The following ADARB2 variants were observed in gnomAD, a reference collection of about 807,000 sequenced individuals.
ADARB2 encodes the protein adenosine deaminase RNA specific B2 (inactive).
Under a neutral mutation model 62.2 loss-of-function variants are expected in ADARB2, and 25 were observed. The ratio of observed to expected loss-of-function variants is 0.40; its 90% CI spans 0.29 to 0.56. The LOEUF (loss-of-function observed/expected upper bound fraction) is 0.56, where lower values mean the gene tolerates loss of function less well. Among genes scored for constraint, ADARB2 ranks in the 20% least tolerant of loss-of-function variants. The pLI, the probability that ADARB2 is intolerant of heterozygous loss-of-function variation, is 0.43. For synonymous variants in ADARB2, 572 were observed against 500.8 expected, an observed-to-expected ratio of 1.14 and a Z score of -1.90; for missense variants, 1,071 against 1,077.4, an observed-to-expected ratio of 0.99 and a Z score of 0.08.
At chr10:1,199,938 G>A (rs1836961233) in intron 8 of ADARB2, 28 bp downstream of exon 8, 1 of 1,489,508 alleles carries the variant, frequency 6.7e-7, no homozygotes, top group Non-Finnish European at 8.9e-7. Flanking sequence ...GGAAGGAGGT[G>A]GAGGGCCCCC....
At chr10:1,445,672 A>T (rs551047366) in intron 1 of ADARB2, among the ~76,000 whole-genome samples, 50 of 152,388 alleles carry the variant, frequency 3.3e-4, no homozygotes, top group African/African-American at 1.0e-3. Flanking sequence ...TAGTTGAGAA[A>T]ATTAAAAATT....
At chr10:1,682,132 G>A (rs1466088363) in intron 1 of ADARB2, among the ~76,000 whole-genome samples, 2 of 151,060 alleles carry the variant, frequency 1.3e-5, no homozygotes, top group African/African-American at 5.0e-5. Context: ...GACTCATGAA[G>A]GGAAGAGTTG....
At chr10:1,206,333 C>T (rs1302831984) in intron 7 of ADARB2, among the ~76,000 whole-genome samples, 5 of 152,138 alleles carry the variant, frequency 3.3e-5, no homozygotes, top group Admixed American at 1.3e-4. Flanking sequence ...GGACATGCGG[C>T]GTCTCCTCCT....
intron 1 of ADARB2, among the ~76,000 whole-genome samples, chr10:1,705,860 TTTGA>T (rs1160905006): frequency 3.9e-5 from 6 of 152,216 alleles, no homozygotes; most frequent in Admixed American, 6.5e-5. Context: ...CAAATTTTGC[TTTGA>T]TTGATTTTTT....
At chr10:1,666,207 G>T (rs7088725) in intron 1 of ADARB2, among the ~76,000 whole-genome samples, 2 of 152,146 alleles carry the variant, frequency 1.3e-5, no homozygotes, top group Non-Finnish European at 2.9e-5. Flanking sequence ...GGAAGACCCC[G>T]CTGGAGCAAG....
chr10:1,736,981 C>A, intron 1 of ADARB2, 70 bp downstream of exon 1: 1 of 1,511,452 alleles, frequency 6.6e-7, no homozygotes, highest in Non-Finnish European at 9.1e-7. Context: ...CCCGGAGACC[C>A]CATGAGAGGC....
At chr10:1,402,258 G>A (rs1369265136) in intron 1 of ADARB2, among the ~76,000 whole-genome samples, 1 of 152,194 alleles carries the variant, frequency 6.6e-6, no homozygotes, top group Admixed American at 6.5e-5. Flanking sequence ...GTGTTTACGC[G>A]TGCGCGCGCC....
chr10:1,650,552 A>G (rs1834097508), intron 1 of ADARB2, among the ~76,000 whole-genome samples: 1 of 152,226 alleles, frequency 6.6e-6, no homozygotes, highest in Non-Finnish European at 1.5e-5. Flanking sequence ...GCACCTTCCC[A>G]TACAAAAGTG....
chr10:1,710,539 C>A (rs999232034), intron 1 of ADARB2, among the ~76,000 whole-genome samples: 26 of 152,348 alleles, frequency 1.7e-4, no homozygotes, highest in Non-Finnish European at 3.1e-4. Context: ...GTGCTGGGGG[C>A]ACCTTCCCCT....
At chr10:1,479,032 C>A (rs569843763) in intron 1 of ADARB2, among the ~76,000 whole-genome samples, 45 of 152,290 alleles carry the variant, frequency 3.0e-4, no homozygotes, top group Non-Finnish European at 5.4e-4. Flanking sequence ...TATGGCATAA[C>A]AGCCAAGAGG....
At chr10:1,367,739 G>C (rs1445629551) in intron 2 of ADARB2, among the ~76,000 whole-genome samples, 1 of 152,174 alleles carries the variant, frequency 6.6e-6, no homozygotes, top group African/African-American at 2.4e-5. Flanking sequence ...TCGCAAGGTG[G>C]GGATGGACGA....
At chr10:1,632,914 T>C (rs1169290718) in intron 1 of ADARB2, among the ~76,000 whole-genome samples, 1 of 152,174 alleles carries the variant, frequency 6.6e-6, no homozygotes, top group Non-Finnish European at 1.5e-5. Flanking sequence ...GACCAGCATT[T>C]GAAATGGTAA....
intron 1 of ADARB2, among the ~76,000 whole-genome samples, chr10:1,402,831 T>C (rs914771819): frequency 2.0e-5 from 3 of 152,200 alleles, no homozygotes; most frequent in South Asian, 4.1e-4. Flanking sequence ...CAGTGTCCAG[T>C]GTAAAACAGA....
intron 1 of ADARB2, among the ~76,000 whole-genome samples, chr10:1,632,752 C>T (rs1052830697): frequency 2.6e-5 from 4 of 152,232 alleles, no homozygotes; most frequent in South Asian, 2.1e-4. Flanking sequence ...CCAGCAGTCA[C>T]GAAGAACCAC....
At chr10:1,715,691 CA>C (rs377338657) in intron 1 of ADARB2, among the ~76,000 whole-genome samples, 70 of 152,086 alleles carry the variant, frequency 4.6e-4, no homozygotes, top group South Asian at 1.9e-3. Flanking sequence ...TAATTTTATG[CA>C]AAAAAACAAA....
At chr10:1,575,262 T>G (rs1205376119) in intron 1 of ADARB2, among the ~76,000 whole-genome samples, 1 of 152,082 alleles carries the variant, frequency 6.6e-6, no homozygotes, top group Non-Finnish European at 1.5e-5. Flanking sequence ...AAATTAAAAC[T>G]AATATATTCC....
intron 1 of ADARB2, among the ~76,000 whole-genome samples, chr10:1,661,152 C>G (rs1834241804): frequency 6.6e-6 from 1 of 152,330 alleles, no homozygotes; most frequent in South Asian, 2.1e-4. Flanking sequence ...AGAAGCCCCT[C>G]TCAGGTTTAT....
intron 1 of ADARB2, among the ~76,000 whole-genome samples, chr10:1,667,833 A>G (rs990690337): frequency 6.6e-6 from 1 of 152,242 alleles, no homozygotes; most frequent in South Asian, 2.1e-4. Context: ...GTGAACTTTA[A>G]AAGAACTATC....
At chr10:1,451,717 G>C (rs1480261946) in intron 1 of ADARB2, among the ~76,000 whole-genome samples, 1 of 148,266 alleles carries the variant, frequency 6.7e-6, no homozygotes, top group African/African-American at 2.6e-5. Flanking sequence ...TATGAGGAGG[G>C]ACACACCCAT....
Sources: gnomAD v4.1 joint callset for allele counts (sites outside exome capture counted in the v4.1 genomes callset) on GRCh38, gnomAD v4.1.1 for gene constraint, MANE v1.5 for transcripts, NCBI Gene and HGNC (gene_info 2026-07-23, HGNC 2026-07-21) for gene names.